The following RAB38 variants were observed in gnomAD, a reference collection of about 807,000 sequenced individuals.
The protein encoded by RAB38 is RAB38, member RAS oncogene family, also known as ras-related protein Rab-38.
In RAB38, 15 loss-of-function variants were observed where a neutral mutation model predicts 18.4. The observed-to-expected ratio is 0.82, with a 90% CI of 0.55 to 1.26. RAB38 has a LOEUF of 1.26. RAB38 is among the 50% of genes most tolerant of loss of function. The probability of loss-of-function intolerance (pLI) is 0.00; values close to 1 mark genes in which losing one functional copy is unlikely to be tolerated. For synonymous variants in RAB38, 101 were observed against 104.4 expected (o/e 0.97, Z 0.20); for missense variants, 294 against 267.4 (o/e 1.10, Z -0.69).
chr11:88,082,987 C>T, the RAB38 span, among the ~76,000 whole-genome samples: 1 of 151,826 alleles, frequency 6.6e-6, no homozygotes, highest in African/African-American at 2.4e-5. Context: ...TTCTACTCTT[C>T]CTCTAGTTTA....
At chr11:87,884,868 A>G in the RAB38 span, among the ~76,000 whole-genome samples, 1 of 151,894 alleles carries the variant, frequency 6.6e-6, no homozygotes, top group African/African-American at 2.4e-5. Context: ...GTTCGGCAAA[A>G]TCCCCAGATG....
the RAB38 span, among the ~76,000 whole-genome samples, chr11:87,938,061 G>A: frequency 9.1e-4 from 138 of 151,962 alleles, no homozygotes; most frequent in Non-Finnish European, 1.4e-3. Flanking sequence ...GAGATTCTGG[G>A]ACTTATTTAA....
the RAB38 span, among the ~76,000 whole-genome samples, chr11:87,938,864 A>G: frequency 6.6e-6 from 1 of 151,628 alleles, no homozygotes. Flanking sequence ...TCTACCTTTC[A>G]GAGTATTACT....
At chr11:88,008,832 C>T in the RAB38 span, among the ~76,000 whole-genome samples, 1 of 152,166 alleles carries the variant, frequency 6.6e-6, no homozygotes, top group Admixed American at 6.5e-5. Flanking sequence ...TGCCACCACG[C>T]CCGGCTAATT....
At chr11:87,938,564 G>A in the RAB38 span, among the ~76,000 whole-genome samples, 1 of 150,838 alleles carries the variant, frequency 6.6e-6, no homozygotes, top group Non-Finnish European at 1.5e-5. Context: ...TGCAGTAGAG[G>A]GGTTATTGTT....
chr11:87,875,553 G>A, the RAB38 span, among the ~76,000 whole-genome samples: 1 of 151,352 alleles, frequency 6.6e-6, no homozygotes, highest in African/African-American at 2.4e-5. Flanking sequence ...GAAATCTATA[G>A]GTCAATTGGG....
the RAB38 span, among the ~76,000 whole-genome samples, chr11:88,068,251 T>C: frequency 6.6e-6 from 1 of 152,090 alleles, no homozygotes; most frequent in African/African-American, 2.4e-5. Context: ...TTATGTAAAA[T>C]ATCTCGTTGG....
chr11:88,120,199 A>T (rs938178208), intron 2 of RAB38, among the ~76,000 whole-genome samples: 1 of 152,194 alleles, frequency 6.6e-6, no homozygotes, highest in African/African-American at 2.4e-5. Flanking sequence ...TCACCACAAT[A>T]ACTCTGAGAT....
intron 1 of RAB38, among the ~76,000 whole-genome samples, chr11:88,161,300 C>T (rs1399330045): frequency 2.0e-5 from 3 of 152,038 alleles, no homozygotes. Flanking sequence ...CCTGAATTCC[C>T]TCCTCATCTC....
the RAB38 span, among the ~76,000 whole-genome samples, chr11:87,878,204 CATATATAT>C: frequency 1.0e-5 from 1 of 98,242 alleles, no homozygotes; most frequent in Admixed American, 1.1e-4. Context: ...ATGTGCTAAA[CATATATAT>C]ATATATATAT....
intron 2 of RAB38, among the ~76,000 whole-genome samples, chr11:88,125,540 G>A (rs1482385742): frequency 6.6e-6 from 1 of 152,154 alleles, no homozygotes; most frequent in Non-Finnish European, 1.5e-5. Flanking sequence ...TTTATTTAAT[G>A]TGAAGGGAAA....
At chr11:88,096,603 AGTT>A in the RAB38 span, among the ~76,000 whole-genome samples, 1 of 151,934 alleles carries the variant, frequency 6.6e-6, no homozygotes, top group Non-Finnish European at 1.5e-5. Context: ...AACAGTGCTA[AGTT>A]GTTGATAAAT....
the RAB38 span, among the ~76,000 whole-genome samples, chr11:87,952,174 G>A: frequency 0.023 from 3,529 of 152,168 alleles, 139 homozygotes; most frequent in African/African-American, 0.081. Context: ...CAGAGGAGCT[G>A]GGGGGTAGGG....
chr11:88,031,005 CA>C, the RAB38 span, among the ~76,000 whole-genome samples: 1 of 150,640 alleles, frequency 6.6e-6, no homozygotes, highest in Non-Finnish European at 1.5e-5. Flanking sequence ...CCGAATCCAG[CA>C]GCACATCAAA....
At chr11:87,930,717 T>C in the RAB38 span, among the ~76,000 whole-genome samples, 1 of 152,240 alleles carries the variant, frequency 6.6e-6, no homozygotes, top group Non-Finnish European at 1.5e-5. Context: ...TTTAAGTCTT[T>C]AATCCATCTT....
chr11:88,050,983 G>A, the RAB38 span, among the ~76,000 whole-genome samples: 1 of 152,212 alleles, frequency 6.6e-6, no homozygotes, highest in Non-Finnish European at 1.5e-5. Context: ...TTAGGTTGAG[G>A]AAGTGAGGCT....
At chr11:87,938,805 T>C in the RAB38 span, among the ~76,000 whole-genome samples, 1 of 151,874 alleles carries the variant, frequency 6.6e-6, no homozygotes, top group Non-Finnish European at 1.5e-5. Context: ...AATTCACCAC[T>C]TTGTAGCTCC....
intron 1 of RAB38, among the ~76,000 whole-genome samples, chr11:88,152,742 TAGTTAAA>T (rs1943078841): frequency 8.5e-5 from 13 of 152,242 alleles, no homozygotes; most frequent in Admixed American, 3.3e-4. Context: ...GAATTCATCA[TAGTTAAA>T]TTTACTTTTT....
At chr11:88,079,818 C>T in the RAB38 span, among the ~76,000 whole-genome samples, 19 of 150,668 alleles carry the variant, frequency 1.3e-4, no homozygotes, top group African/African-American at 4.6e-4. Flanking sequence ...GGTAGATGCA[C>T]AAAAATCATT....
Sources: allele counts gnomAD v4.1 joint callset (sites outside exome capture counted in the v4.1 genomes callset), GRCh38; gene constraint gnomAD v4.1.1; transcripts MANE v1.5; gene names NCBI Gene and HGNC (gene_info 2026-07-23, HGNC 2026-07-21).